TGM4: variants seen among roughly 807,000 people sequenced by gnomAD.
TGM4 encodes the protein transglutaminase 4.
A neutral mutation model predicts 76.3 loss-of-function variants in TGM4; 61 were observed. The ratio of observed to expected loss-of-function variants is 0.80; its 90% CI spans 0.65 to 0.99. The LOEUF is 0.99. TGM4 is among the 50% of genes least tolerant of loss of function. TGM4 has a pLI of 0.00. For synonymous variants in TGM4, 337 were observed against 329.8 expected (o/e 1.02, Z -0.24); for missense variants, 794 against 843.2 (o/e 0.94, Z 0.72).
At chr3:44,893,122 AC>A (rs1699726772) in intron 4 of TGM4, among the ~76,000 whole-genome samples, 1 of 152,002 alleles carries the variant, frequency 6.6e-6, no homozygotes. Flanking sequence ...AAAATTCTCC[AC>A]CCCTAGATTT....
intron 2 of TGM4, 34 bp from the exon 3 acceptor site, chr3:44,887,655 G>A: frequency 1.3e-6 from 2 of 1,597,592 alleles, no homozygotes; most frequent in Non-Finnish European, 1.7e-6. Context: ...GGTGGCCCAT[G>A]GCTGGGCCAA....
intron 4 of TGM4, among the ~76,000 whole-genome samples, chr3:44,891,558 AC>A (rs1699698184): frequency 1.3e-5 from 2 of 151,682 alleles, no homozygotes; most frequent in African/African-American, 4.8e-5. Context: ...TTATTTTTGA[AC>A]CATTTGAGAG....
chr3:44,884,122 CTG>C (rs1699567435), intron 1 of TGM4, among the ~76,000 whole-genome samples: 1 of 152,204 alleles, frequency 6.6e-6, no homozygotes, highest in African/African-American at 2.4e-5. Context: ...GTCTGGCAGT[CTG>C]TGTTTTACCA....
intron 8 of TGM4, chr3:44,903,638 C>T (rs766455280): frequency 3.5e-5 from 18 of 509,818 alleles, no homozygotes; most frequent in South Asian, 2.4e-5. Context: ...GGCAGGGTGA[C>T]GGTCTCATGA....
chr3:44,901,125 A>C (rs1699846803), intron 6 of TGM4, among the ~76,000 whole-genome samples: 1 of 152,138 alleles, frequency 6.6e-6, no homozygotes, highest in Middle Eastern at 3.2e-3. Flanking sequence ...CTGTAGTCCC[A>C]ATTACCTGGG....
At chr3:44,904,063 T>C in intron 9 of TGM4, 76 bp downstream of exon 9, 1 of 1,323,284 alleles carries the variant, frequency 7.6e-7, no homozygotes, top group African/African-American at 1.4e-5. Context: ...GGGTCTTGGG[T>C]ATGCAGCCAA....
At chr3:44,905,774 G>T (rs1453217265) in intron 9 of TGM4, among the ~76,000 whole-genome samples, 1 of 152,218 alleles carries the variant, frequency 6.6e-6, no homozygotes, top group African/African-American at 2.4e-5. Flanking sequence ...CTTATAATAG[G>T]GGGTGAGGGT....
At chr3:44,885,162 G>A (rs905857527) in intron 1 of TGM4, among the ~76,000 whole-genome samples, 163 bp from the exon 2 acceptor site, 1 of 152,216 alleles carries the variant, frequency 6.6e-6, no homozygotes, top group Non-Finnish European at 1.5e-5. Flanking sequence ...TGAAGAAACT[G>A]AGTCTCAGAC....
At chr3:44,905,213 T>C (rs1699906021) in intron 9 of TGM4, among the ~76,000 whole-genome samples, 1 of 152,152 alleles carries the variant, frequency 6.6e-6, no homozygotes, top group Admixed American at 6.5e-5. Flanking sequence ...CTCAACCACC[T>C]GACCTCAGGT....
intron 4 of TGM4, among the ~76,000 whole-genome samples, chr3:44,892,433 C>T (rs1179369621): frequency 1.9e-4 from 28 of 144,238 alleles, no homozygotes; most frequent in East Asian, 4.2e-4. Flanking sequence ...CGCAATGGTG[C>T]GATCTTGGCT....
intron 3 of TGM4, chr3:44,888,091 A>C: frequency 3.0e-6 from 1 of 330,068 alleles, no homozygotes. Context: ...AAAATAACCC[A>C]TGGTTCCACC....
chr3:44,910,378 C>A lies in TGM4; in HGVS notation c.1606+10C>A. 7 of 1,610,994 alleles carry A rather than the reference C, an allele frequency of 4.3e-6. No homozygotes were observed. Among genetic ancestry groups the A allele is most frequent in the Non-Finnish European group, 5.9e-6 (7 of 1,177,586 alleles). On this transcript the variant is annotated intron_variant, in intron 11 of 13. Transcript: ENST00000296125. ...CAGATCCAAGGTCAAGGTACCAGAACCAGAGGGAGGAGAGGCCTCAAGTGG... is the reference window on the plus strand; with the variant it reads ...CAGATCCAAGGTCAAGGTACCAGAAACAGAGGGAGGAGAGGCCTCAAGTGG...
chr3:44,888,007 A>G (rs1014299314), intron 3 of TGM4: 21 of 561,884 alleles, frequency 3.7e-5, no homozygotes, highest in African/African-American at 3.7e-5. Context: ...CAAACCTCCT[A>G]CATGTCACCC....
At position 44,901,940 on chromosome 3, in the gene TGM4, C is replaced by T. The variant is rs760194820; in HGVS notation, c.971+9C>T. On this transcript the variant is annotated intron_variant, in intron 8 of 13. Coordinates refer to ENST00000296125, the MANE Select transcript of TGM4 (RefSeq NM_003241.4). ...ACCCACGACTCTGTCTGGTAGGGTT[C>T]CTCCTTCTCAACCTGCCCTGTCTCC... 4.3e-6 allele frequency: 7 copies of T among 1,613,012 alleles called. No homozygotes were observed. Among genetic ancestry groups the T allele is most frequent in the Admixed American group, 1.7e-5 (1 of 59,862 alleles).
rs750869315 is a variant in TGM4 at position 44,913,618 on chromosome 3, AT to A, written c.1949del (p.Ile650LysfsTer6). 6.2e-7 allele frequency: 1 copy of A among 1,614,220 alleles called. No homozygotes were observed. Among genetic ancestry groups the A allele is most frequent in the East Asian group, 2.2e-5 (1 of 44,892 alleles). The part of the protein sequence containing the change: ...VQPGETIQSQ[I>X]KCTPIKTGPK... ...GCCTGGTGAGACCATCCAATCCCAA[AT>A]AAAATGCACCCCAATAAAAACTGGA... On this transcript the variant is annotated frameshift_variant, in exon 14 of 14. Transcript: ENST00000296125. LOFTEE classifies it low-confidence loss of function (END_TRUNC).
intron 5 of TGM4, among the ~76,000 whole-genome samples, chr3:44,894,820 C>T (rs970839025): frequency 4.6e-5 from 7 of 152,040 alleles, no homozygotes; most frequent in Admixed American, 2.6e-4. Context: ...GTGCAAGGTG[C>T]GCCGAGTGCC....
rs1366417910 is a variant in TGM4 at position 44,911,375 on chromosome 3, G to C, written c.1882G>C (p.Gly628Arg). ...CGTCAAGTTCTCTTTGGAAAGCCTG[G>C]GCATCTCCTCACTACAGACCTCTGA... ...TDVKFSLESL[G>R]ISSLQTSDHG... Residue 628 changes from glycine (G) to arginine (R), a missense_variant, in exon 13 of 14, where the codon GGC becomes CGC. By Grantham distance (125) the Gly-to-Arg change is moderately radical (BLOSUM62 -2). Coordinates refer to ENST00000296125, the MANE Select transcript of TGM4 (RefSeq NM_003241.4). 4 of 1,614,080 alleles carry C rather than the reference G, an allele frequency of 2.5e-6. No individual in the cohort carries two copies. The highest frequency in any genetic ancestry group is 3.4e-6 in the Non-Finnish European group (4 of 1,180,052).
intron 6 of TGM4, 96 bp from the exon 7 acceptor site, chr3:44,901,428 A>G: frequency 1.4e-6 from 2 of 1,386,564 alleles, no homozygotes; most frequent in Middle Eastern, 2.2e-4. Context: ...AGACATTATG[A>G]GGTGTCCACT....
At chr3:44,884,490 GT>G (rs1223380385) in intron 1 of TGM4, among the ~76,000 whole-genome samples, 2 of 151,822 alleles carry the variant, frequency 1.3e-5, no homozygotes, top group Non-Finnish European at 2.9e-5. Context: ...AAAATCCCCT[GT>G]TTTTTTTGGG....
Sources: gnomAD v4.1 joint callset for allele counts (sites outside exome capture counted in the v4.1 genomes callset) on GRCh38, gnomAD v4.1.1 for gene constraint, MANE v1.5 for transcripts, NCBI Gene and HGNC (gene_info 2026-07-23, HGNC 2026-07-21) for gene names.